Variants in NRXN1 observed in about 807,000 individuals in gnomAD.
NRXN1 encodes neurexin 1, also known as neurexin-1.
Under a neutral mutation model 150.9 loss-of-function variants are expected in NRXN1, and 39 were observed. The observed-to-expected ratio is 0.26, with a 90% CI of 0.20 to 0.34. The LOEUF is 0.34. NRXN1 is among the 10% of genes least tolerant of loss of function. The probability of loss-of-function intolerance (pLI) is 1.00; values close to 1 mark genes in which losing one functional copy is unlikely to be tolerated. For missense variants in NRXN1, 1,815 were observed against 1,949.9 expected (o/e 0.93, Z 1.30); for synonymous variants, 924 against 757.0 (o/e 1.22, Z -3.62).
At chr2:50,553,284 T>C (rs908583263) in intron 8 of NRXN1, among the ~76,000 whole-genome samples, 14 of 152,250 alleles carry the variant, frequency 9.2e-5, no homozygotes, top group Non-Finnish European at 1.3e-4. Context: ...AAACTGCTTG[T>C]ATTTAACTCA....
At chr2:50,252,233 C>CTTTTTTTTTTTCTTTTTTTTTT (rs2067173937) in intron 17 of NRXN1, among the ~76,000 whole-genome samples, 1 of 94,918 alleles carries the variant, frequency 1.1e-5, no homozygotes, top group African/African-American at 4.2e-5. Context: ...ACATTTTGTC[C>CTTTTTTTTTTTCTTTTTTTTTT]TTTTTTTTTT....
At chr2:50,321,309 C>T (rs933990499) in intron 17 of NRXN1, among the ~76,000 whole-genome samples, 8 of 152,112 alleles carry the variant, frequency 5.3e-5, no homozygotes, top group African/African-American at 1.7e-4. Flanking sequence ...GTCTGTATTC[C>T]TAAATCTAAG....
At chr2:50,473,559 C>A (rs1449840682) in intron 15 of NRXN1, among the ~76,000 whole-genome samples, 1 of 152,024 alleles carries the variant, frequency 6.6e-6, no homozygotes, top group Non-Finnish European at 1.5e-5. Flanking sequence ...GTAACATACT[C>A]TTTTTATCTA....
At chr2:50,939,657 T>C (rs879931106) in intron 2 of NRXN1, among the ~76,000 whole-genome samples, 3 of 152,164 alleles carry the variant, frequency 2.0e-5, no homozygotes, top group Non-Finnish European at 2.9e-5. Context: ...AATTTTAGGT[T>C]TCACTTAAAC....
At chr2:50,627,335 T>C (rs1681291764) in intron 5 of NRXN1, among the ~76,000 whole-genome samples, 1 of 147,590 alleles carries the variant, frequency 6.8e-6, no homozygotes, top group South Asian at 2.2e-4. Flanking sequence ...TGATAGGTAG[T>C]CAAGTGGGTT....
chr2:50,601,002 G>T (rs2103944104), intron 8 of NRXN1, among the ~76,000 whole-genome samples: 1 of 152,014 alleles, frequency 6.6e-6, no homozygotes, highest in East Asian at 1.9e-4. Context: ...TACCAATATG[G>T]TTATTATTTT....
At chr2:50,861,240 AG>A (rs2106031523) in intron 5 of NRXN1, among the ~76,000 whole-genome samples, 1 of 152,120 alleles carries the variant, frequency 6.6e-6, no homozygotes, top group East Asian at 1.9e-4. Flanking sequence ...TTTGAGACAG[AG>A]TCTCTCTGTC....
chr2:50,967,723 G>A (rs184940762), intron 2 of NRXN1, among the ~76,000 whole-genome samples: 8 of 152,002 alleles, frequency 5.3e-5, no homozygotes, highest in Middle Eastern at 3.4e-3. Context: ...TGTTAATGTC[G>A]AATAAGTAAG....
At chr2:50,856,110 G>A (rs1458727878) in intron 5 of NRXN1, among the ~76,000 whole-genome samples, 1 of 151,122 alleles carries the variant, frequency 6.6e-6, no homozygotes, top group African/African-American at 2.4e-5. Flanking sequence ...GAAGACAGCT[G>A]GTTATTCTCA....
chr2:50,802,587 A>C (rs1472205647), intron 5 of NRXN1, among the ~76,000 whole-genome samples: 1 of 150,746 alleles, frequency 6.6e-6, no homozygotes, highest in East Asian at 2.0e-4. Flanking sequence ...ACAGAGAGAA[A>C]GAGAGAGAGA....
rs368220405 is a variant in NRXN1, at chr2:50,713,002, A to G, written c.833-89387T>C. On this transcript the variant is annotated intron_variant, in intron 5 of 22. Coordinates refer to ENST00000401669, the MANE Select transcript of NRXN1 (RefSeq NM_001330078.2). ...GTGGTTTCATATCTTTTGTGCTTGTATATCTGAGAGTTATATTAAATTTAA... is the reference window on the plus strand; with the variant it reads ...GTGGTTTCATATCTTTTGTGCTTGTGTATCTGAGAGTTATATTAAATTTAA... Among the ~76,000 whole-genome samples, 4 of 152,204 alleles carry G rather than the reference A, an allele frequency of 2.6e-5. No homozygotes were observed. In the East Asian group the frequency reaches 5.8e-4, roughly 22 times the overall value.
chr2:50,479,860 G>T (rs1291119335), intron 15 of NRXN1, among the ~76,000 whole-genome samples: 1 of 123,480 alleles, frequency 8.1e-6, no homozygotes, highest in African/African-American at 3.1e-5. Context: ...TGCAACCTCC[G>T]CCTCCTGGGT....
rs1244278869 is a variant in NRXN1, at chr2:50,706,576, C to G, written c.833-82961G>C. ...ACATTGGCTTTACAAGAAATCTTCA[C>G]AGCCAATAAAGTAGACACTAGCTGT... On this transcript the variant is annotated intron_variant, in intron 5 of 22. Coordinates refer to ENST00000401669, the MANE Select transcript of NRXN1 (RefSeq NM_001330078.2). Among the ~76,000 whole-genome samples, 3 of 152,086 alleles carry G rather than the reference C, an allele frequency of 2.0e-5. No homozygotes were observed. In the East Asian group the frequency reaches 5.8e-4, roughly 29 times the overall value.
intron 8 of NRXN1, among the ~76,000 whole-genome samples, chr2:50,586,755 C>T (rs1468473713): frequency 1.3e-5 from 2 of 152,118 alleles, no homozygotes; most frequent in Non-Finnish European, 2.9e-5. Flanking sequence ...AACATAGAAG[C>T]TAACACCTCA....
chr2:50,249,054 G>A (rs1161410369), intron 17 of NRXN1, among the ~76,000 whole-genome samples: 1 of 150,430 alleles, frequency 6.6e-6, no homozygotes, highest in Non-Finnish European at 1.5e-5. Flanking sequence ...CTACTTGGGA[G>A]GCTGAAGTTG....
intron 2 of NRXN1, among the ~76,000 whole-genome samples, chr2:50,942,387 C>T (rs1009951533): frequency 6.6e-6 from 1 of 152,134 alleles, no homozygotes; most frequent in African/African-American, 2.4e-5. Context: ...CTACTCCAGA[C>T]CCCAGAATGG....
intron 18 of NRXN1, among the ~76,000 whole-genome samples, chr2:50,134,782 G>T (rs753470396): frequency 6.6e-6 from 1 of 152,074 alleles, no homozygotes. Context: ...AAACTGAGTC[G>T]CAGGTTGTAC....
At chr2:50,213,588 G>A (rs921830273) in intron 18 of NRXN1, among the ~76,000 whole-genome samples, 6 of 151,756 alleles carry the variant, frequency 4.0e-5, no homozygotes, top group African/African-American at 1.5e-4. Flanking sequence ...CTACACAAAG[G>A]AACTTGTAAT....
chr2:50,339,658 T>A (rs952307610), intron 17 of NRXN1, among the ~76,000 whole-genome samples: 4 of 152,190 alleles, frequency 2.6e-5, no homozygotes. Context: ...TAAAGCTTTT[T>A]AGTATAGTGG....
Sources: allele counts gnomAD v4.1 joint callset (sites outside exome capture counted in the v4.1 genomes callset), GRCh38; gene constraint gnomAD v4.1.1; transcripts MANE v1.5; gene names NCBI Gene and HGNC (gene_info 2026-07-23, HGNC 2026-07-21).